The following SH3RF3 variants were observed in gnomAD, a reference collection of about 807,000 sequenced individuals.
The protein encoded by SH3RF3 is SH3 domain containing ring finger 3.
In SH3RF3, 29 loss-of-function variants were observed where a neutral mutation model predicts 66.3. The ratio of observed to expected loss-of-function variants is 0.44; its 90% confidence interval spans 0.33 to 0.60. The LOEUF is 0.60. Among genes scored for constraint, SH3RF3 ranks in the 20% least tolerant of loss-of-function variants. The pLI, the probability that SH3RF3 is intolerant of heterozygous loss-of-function variation, is 0.04. For missense variants in SH3RF3, 1,194 were observed against 1,190.9 expected, an observed-to-expected ratio of 1.00 and a Z score of -0.04; for synonymous variants, 583 against 532.0, an observed-to-expected ratio of 1.10 and a Z score of -1.32.
Position 109,226,574 on chromosome 2 carries a change from C to T in SH3RF3, c.573+96461C>T, listed in dbSNP as rs148585693. Among the ~76,000 whole-genome samples, 690 of 152,288 alleles carry T rather than the reference C, an allele frequency of 4.5e-3. 5 individuals carry two copies. The highest frequency in any genetic ancestry group is 6.1e-3 in the Non-Finnish European group (412 of 68,036). On this transcript the variant is annotated intron_variant, in intron 1 of 9. Coordinates refer to ENST00000309415, the MANE Select transcript of SH3RF3 (RefSeq NM_001099289.3). ...TACTGTTCTTAGGGTGACTTTGTGGCTCATCACTCTTAGCTTTTTCTCATT... is the reference window on the plus strand; with the variant it reads ...TACTGTTCTTAGGGTGACTTTGTGGTTCATCACTCTTAGCTTTTTCTCATT...
chr2:109,475,800 A>C (rs1678666893), intron 8 of SH3RF3, among the ~76,000 whole-genome samples: 1 of 152,228 alleles, frequency 6.6e-6, no homozygotes. Context: ...GGTTCCTCTG[A>C]AACAGTGACT....
At chr2:109,341,277 A>T (rs1381035413) in intron 1 of SH3RF3, among the ~76,000 whole-genome samples, 3 of 152,274 alleles carry the variant, frequency 2.0e-5, no homozygotes, top group African/African-American at 7.2e-5. Flanking sequence ...TTGCAGTGTG[A>T]TAACAGTAAC....
At chr2:109,174,319 T>C (rs1677868860) in intron 1 of SH3RF3, among the ~76,000 whole-genome samples, 1 of 152,180 alleles carries the variant, frequency 6.6e-6, no homozygotes, top group African/African-American at 2.4e-5. Flanking sequence ...GGAACAGACA[T>C]GTGGGGATGC....
At chr2:109,158,703 A>G (rs772095920) in intron 1 of SH3RF3, among the ~76,000 whole-genome samples, 1 of 152,210 alleles carries the variant, frequency 6.6e-6, no homozygotes, top group African/African-American at 2.4e-5. Flanking sequence ...AATCAGATGT[A>G]ATTATGCCAC....
intron 4 of SH3RF3, among the ~76,000 whole-genome samples, chr2:109,411,329 C>T (rs1676583211): frequency 6.6e-6 from 1 of 152,228 alleles, no homozygotes; most frequent in Admixed American, 6.5e-5. Flanking sequence ...AGGCCCCTTT[C>T]CCTGCAGTTA....
At chr2:109,169,706 A>G (rs188103738) in intron 1 of SH3RF3, among the ~76,000 whole-genome samples, 1 of 151,464 alleles carries the variant, frequency 6.6e-6, no homozygotes, top group Admixed American at 6.6e-5. Flanking sequence ...CTCTCTCTCT[A>G]TATATATCTA....
chr2:109,182,711 A>G (rs1678099227), intron 1 of SH3RF3, among the ~76,000 whole-genome samples: 1 of 152,186 alleles, frequency 6.6e-6, no homozygotes, highest in Admixed American at 6.5e-5. Flanking sequence ...GATATCAACT[A>G]CTGCAGTGGT....
At chr2:109,162,372 C>T (rs927541484) in intron 1 of SH3RF3, among the ~76,000 whole-genome samples, 3 of 152,118 alleles carry the variant, frequency 2.0e-5, no homozygotes, top group East Asian at 1.9e-4. Context: ...CATTTTTCCC[C>T]TCTTAGGGCT....
intron 1 of SH3RF3, among the ~76,000 whole-genome samples, chr2:109,338,569 ATTTTTT>A (rs1682482264): frequency 6.6e-6 from 1 of 151,638 alleles, no homozygotes; most frequent in African/African-American, 2.4e-5. Flanking sequence ...TTTTATTTTT[ATTTTTT>A]GAGACAGAAC....
intron 1 of SH3RF3, among the ~76,000 whole-genome samples, chr2:109,189,258 C>T (rs1021555828): frequency 6.6e-6 from 1 of 151,868 alleles, no homozygotes; most frequent in African/African-American, 2.4e-5. Flanking sequence ...TCTGGCCAAG[C>T]TTGATCTGGA....
chr2:109,137,113 G>A (rs543538265), intron 1 of SH3RF3, among the ~76,000 whole-genome samples: 12 of 152,366 alleles, frequency 7.9e-5, no homozygotes, highest in African/African-American at 2.6e-4. Context: ...GACCAGATAT[G>A]CTGCAGAGGA....
At chr2:109,203,411 C>T (rs114662353) in intron 1 of SH3RF3, among the ~76,000 whole-genome samples, 2,282 of 152,294 alleles carry the variant, frequency 0.015, 34 homozygotes, top group Non-Finnish European at 0.024. Context: ...TCCCTACGAG[C>T]GCATCACCTG....
chr2:109,385,510 T>G (rs778678301), intron 3 of SH3RF3, among the ~76,000 whole-genome samples: 11 of 152,258 alleles, frequency 7.2e-5, no homozygotes, highest in Non-Finnish European at 1.6e-4. Context: ...AGTCTTAGGT[T>G]TCATTCGATG....
intron 1 of SH3RF3, among the ~76,000 whole-genome samples, chr2:109,261,694 T>C (rs1054241277): frequency 6.6e-6 from 1 of 152,150 alleles, no homozygotes; most frequent in Non-Finnish European, 1.5e-5. Context: ...AGGACTCTTA[T>C]TGAATTGGGT....
rs532077154 is a variant in SH3RF3, at chr2:109,163,204, C to T, written c.573+33091C>T. Reference sequence around the variant, plus strand: ...CGAGGCGGGAATAGGAACTCGCGGGCAGCTTTGGCACAAGCCCAGAACTAT... The same window carrying T: ...CGAGGCGGGAATAGGAACTCGCGGGTAGCTTTGGCACAAGCCCAGAACTAT... On this transcript the variant is annotated intron_variant, in intron 1 of 9. Transcript: ENST00000309415. Among the ~76,000 whole-genome samples the T allele has an allele frequency of 3.7e-4, 57 of 152,228 alleles. No homozygotes were observed. The South Asian group carries it at 0.012, about 32-fold the overall frequency.
chr2:109,400,438 A>ATG (rs1676276715), intron 4 of SH3RF3, among the ~76,000 whole-genome samples: 2 of 152,046 alleles, frequency 1.3e-5, no homozygotes, highest in African/African-American at 4.8e-5. Flanking sequence ...GTGCACTTAT[A>ATG]TGCACCCCTT....
chr2:109,234,422 C>G (rs1036231889), intron 1 of SH3RF3, among the ~76,000 whole-genome samples: 4 of 152,184 alleles, frequency 2.6e-5, no homozygotes, highest in Non-Finnish European at 5.9e-5. Flanking sequence ...TTTTTGACCA[C>G]GAATGTCTCA....
chr2:109,230,039 T>C (rs1483610078), intron 1 of SH3RF3, among the ~76,000 whole-genome samples: 1 of 151,936 alleles, frequency 6.6e-6, no homozygotes, highest in East Asian at 1.9e-4. Flanking sequence ...TTAGCCAGGA[T>C]GGTCTCGATC....
At chr2:109,329,526 C>G (rs941464205) in intron 1 of SH3RF3, among the ~76,000 whole-genome samples, 1 of 152,230 alleles carries the variant, frequency 6.6e-6, no homozygotes, top group Non-Finnish European at 1.5e-5. Context: ...ACACATCCCC[C>G]CATTCTCCCT....
Sources: allele counts gnomAD v4.1 joint callset (sites outside exome capture counted in the v4.1 genomes callset), GRCh38; gene constraint gnomAD v4.1.1; transcripts MANE v1.5; gene names NCBI Gene and HGNC (gene_info 2026-07-23, HGNC 2026-07-21).